Variants in TSNAXIP1 observed in about 807,000 individuals in gnomAD.
TSNAXIP1 encodes translin associated factor X interacting protein 1, also known as translin-associated factor X-interacting protein 1.
Under a neutral mutation model 84.8 loss-of-function variants are expected in TSNAXIP1, and 89 were observed. The observed-to-expected ratio is 1.05, with a 90% CI of 0.88 to 1.25. TSNAXIP1 has a LOEUF of 1.25. TSNAXIP1 is among the 50% of genes most tolerant of loss of function. The probability of loss-of-function intolerance (pLI) is 0.00; values close to 1 mark genes in which losing one functional copy is unlikely to be tolerated. For missense variants in TSNAXIP1, 874 were observed against 887.6 expected (o/e 0.98, Z 0.20); for synonymous variants, 347 against 335.2 (o/e 1.04, Z -0.39).
chr16:67,814,341 C>G lies in TSNAXIP1; in HGVS notation c.87C>G (p.Ser29=). The change falls in exon 2 of 16, where the codon TCC becomes TCG. Residue 29 remains serine (S), a synonymous_variant. Transcript: ENST00000561639. ...CTTCAGGAGTGACCATAGACGAATC[C>G]TTTCTCACAGAAGACAAGAGCACCC... The part of the protein sequence containing the change: ...PRPSGVTIDE[S]FLTEDKSTQN... 6.5e-7 allele frequency: 1 copy of G among 1,536,090 alleles called. No individual in the cohort carries two copies. Among genetic ancestry groups the G allele is most frequent in the Non-Finnish European group, 8.7e-7 (1 of 1,146,912 alleles).
At chr16:67,821,583 CAAAA>C (rs891418868) in intron 4 of TSNAXIP1, among the ~76,000 whole-genome samples, 2 of 150,988 alleles carry the variant, frequency 1.3e-5, no homozygotes, top group Non-Finnish European at 3.0e-5. Context: ...GTCTCAAAAA[CAAAA>C]AAAAGCCTCA....
intron 1 of TSNAXIP1, among the ~76,000 whole-genome samples, chr16:67,811,996 TC>T (rs1340544203): frequency 6.6e-6 from 1 of 152,194 alleles, no homozygotes; most frequent in African/African-American, 2.4e-5. Flanking sequence ...GGGCAGAGTT[TC>T]TCAACTGGGT....
chr16:67,807,961 A>G (rs868055000), intron 1 of TSNAXIP1, among the ~76,000 whole-genome samples: 2 of 152,186 alleles, frequency 1.3e-5, no homozygotes, highest in Non-Finnish European at 2.9e-5. Flanking sequence ...AGAGCCATAC[A>G]TACGGATTAA....
At chr16:67,822,552 AGGAG>A (rs1400531330) in intron 4 of TSNAXIP1, among the ~76,000 whole-genome samples, 1 of 147,924 alleles carries the variant, frequency 6.8e-6, no homozygotes, top group African/African-American at 2.6e-5. Flanking sequence ...CAGATGCATA[AGGAG>A]GGAGGGAGGA....
intron 2 of TSNAXIP1, among the ~76,000 whole-genome samples, chr16:67,815,476 T>C (rs986482483): frequency 6.6e-6 from 1 of 151,920 alleles, no homozygotes; most frequent in African/African-American, 2.4e-5. Flanking sequence ...GCTGGAACTA[T>C]AGGCACATGC....
intron 15 of TSNAXIP1, 59 bp downstream of exon 15, chr16:67,827,638 C>T: frequency 6.2e-7 from 1 of 1,611,490 alleles, no homozygotes; most frequent in South Asian, 1.1e-5. Context: ...GCCCCTGGGT[C>T]TCCCTGTGCA....
chr16:67,819,369 G>A (rs998778010), intron 2 of TSNAXIP1, among the ~76,000 whole-genome samples: 4 of 149,736 alleles, frequency 2.7e-5, no homozygotes, highest in South Asian at 4.2e-4. Context: ...TCAGCCTCCC[G>A]AGTAACTGGG....
intron 5 of TSNAXIP1, 96 bp downstream of exon 5, chr16:67,823,815 G>A: frequency 9.6e-7 from 1 of 1,040,226 alleles, no homozygotes; most frequent in Non-Finnish European, 1.4e-6. Context: ...TCAGGAGTTT[G>A]AGACCAGCCT....
In TSNAXIP1 at chr16:67,825,849, A is replaced by C. The variant is rs558870099; in HGVS notation, c.984+13A>C. On this transcript the variant is annotated intron_variant, in intron 8 of 15. Transcript: ENST00000561639. ...TCTTCAGGAGCAGGTGCTGGCAGGC[A>C]GGCAGGGCCAGGAGGGTAGGACGGG... 1.2e-6 allele frequency: 2 copies of C among 1,614,138 alleles called. No individual in the cohort carries two copies. The highest frequency in any genetic ancestry group is 2.2e-5 in the South Asian group (2 of 91,088).
chr16:67,823,776 A>T, intron 5 of TSNAXIP1, 57 bp downstream of exon 5: 3 of 1,455,228 alleles, frequency 2.1e-6, no homozygotes, highest in Non-Finnish European at 2.9e-6. Flanking sequence ...CCAGCACTTT[A>T]GGAGGCCGAG....
chr16:67,825,045 G>A (rs1008201658), intron 6 of TSNAXIP1, 92 bp from the exon 7 acceptor site: 5 of 1,527,278 alleles, frequency 3.3e-6, no homozygotes, highest in Non-Finnish European at 4.4e-6. Flanking sequence ...TCCCTGATGG[G>A]GCCCCCCAGA....
chr16:67,823,154 T>A (rs2057191059), intron 4 of TSNAXIP1, among the ~76,000 whole-genome samples: 1 of 152,146 alleles, frequency 6.6e-6, no homozygotes, highest in South Asian at 2.1e-4. Flanking sequence ...CCCCCCAGGC[T>A]CCGTGGCACT....
intron 2 of TSNAXIP1, among the ~76,000 whole-genome samples, chr16:67,819,600 T>C (rs1433038666): frequency 1.3e-5 from 2 of 151,204 alleles, no homozygotes; most frequent in African/African-American, 4.9e-5. Context: ...ACTGAGTTCC[T>C]AGCAAGTACC....
chr16:67,810,842 C>T (rs113493894), intron 1 of TSNAXIP1, among the ~76,000 whole-genome samples: 16,726 of 150,826 alleles, frequency 0.11, 1,044 homozygotes, highest in South Asian at 0.18. Context: ...CGGGTTCAAG[C>T]GATTCTCCTG....
Position 67,821,198 on chromosome 16 carries a change from A to G in TSNAXIP1, c.360A>G (p.Thr120=). 6.7e-7 allele frequency: 1 copy of G among 1,490,718 alleles called. No homozygotes were observed. The highest frequency in any genetic ancestry group is 1.1e-5 in the South Asian group (1 of 88,842). 92.3% of individuals were successfully genotyped at this position (1,490,718 alleles called of 1,614,324 possible). Residue 120 remains threonine (T), a synonymous_variant, in exon 4 of 16, where the codon ACA becomes ACG. Coordinates refer to ENST00000561639, the MANE Select transcript of TSNAXIP1 (RefSeq NM_001288990.3). The part of the protein sequence containing the change: ...RKELLLLDLG[T]DSTQELRLQP... ...AGCTCCTCCTGCTGGACCTGGGCAC[A>G]GATTCCACCCAGGAACTAAGGCTGC...
intron 6 of TSNAXIP1, 87 bp downstream of exon 6, chr16:67,824,866 T>A: frequency 7.0e-7 from 1 of 1,422,380 alleles, no homozygotes; most frequent in Non-Finnish European, 9.6e-7. Context: ...GCTCTGCCTT[T>A]CTACGGAGAG....
chr16:67,810,669 A>T (rs192628732), intron 1 of TSNAXIP1, among the ~76,000 whole-genome samples: 96 of 152,246 alleles, frequency 6.3e-4, no homozygotes, highest in African/African-American at 2.2e-3. Flanking sequence ...TCCAGCTTTG[A>T]GGTAGAAATA....
In TSNAXIP1 at chr16:67,814,390, C is replaced by T. The variant is rs146214814; in HGVS notation, c.136C>T (p.Arg46Ter). 3.1e-3 allele frequency: 4,694 copies of T among 1,535,880 alleles called. 8 individuals carry two copies. The highest frequency in any genetic ancestry group is 3.7e-3 in the Non-Finnish European group (4,250 of 1,146,764). The change falls in exon 2 of 16, where the codon CGA becomes TGA. Residue 46 changes from arginine to a stop codon, truncating the protein, a stop_gained. Transcript: ENST00000561639. LOFTEE classifies it high-confidence loss of function. ...CCAGAATCGCAAGCTTCTTCAGAAA[C>T]GAAGGACGCTGGTTAGTGACAATGT... ...STQNRKLLQK[R>*]RTLTGQFSMG...
In TSNAXIP1 at chr16:67,825,779, G is replaced by A; in HGVS notation, c.927G>A (p.Val309=). 1 of 1,614,156 alleles carries A rather than the reference G, an allele frequency of 6.2e-7. No homozygotes were observed. Among genetic ancestry groups the A allele is most frequent in the Non-Finnish European group, 8.5e-7 (1 of 1,180,036 alleles). The change falls in exon 8 of 16, where the codon GTG becomes GTA. Residue 309 remains valine (V), a synonymous_variant. Transcript: ENST00000561639. ...LNNMKANFGD[V]VPRRDFEMQE... is the part of the protein sequence containing the mutation. ...ACATGAAGGCCAACTTTGGAGATGT[G>A]GTCCCCAGGAGGGACTTTGAAATGC... is the stretch of plus-strand genomic sequence containing the variant.
Sources: allele counts gnomAD v4.1 joint callset (sites outside exome capture counted in the v4.1 genomes callset), GRCh38; gene constraint gnomAD v4.1.1; transcripts MANE v1.5; gene names NCBI Gene and HGNC (gene_info 2026-07-23, HGNC 2026-07-21).